Variants in FILIP1L observed in about 807,000 individuals in gnomAD.
The protein encoded by FILIP1L is filamin A-interacting protein 1-like.
Under a neutral mutation model 96.6 loss-of-function variants are expected in FILIP1L, and 55 were observed. That is an observed-to-expected ratio of 0.57 (90% CI 0.46 to 0.71). The LOEUF is 0.71. FILIP1L is among the 30% of genes least tolerant of loss of function. The pLI is 0.00. For synonymous variants in FILIP1L, 467 were observed against 473.9 expected (o/e 0.99, Z 0.19); for missense variants, 1,304 against 1,321.2 (o/e 0.99, Z 0.20).
chr3:100,062,905 A>G (rs1408050179), intron 1 of FILIP1L, among the ~76,000 whole-genome samples: 1 of 152,192 alleles, frequency 6.6e-6, no homozygotes, highest in Non-Finnish European at 1.5e-5. Flanking sequence ...TTCTAGTCTT[A>G]TAACCTTGAG....
intron 4 of FILIP1L, among the ~76,000 whole-genome samples, chr3:99,901,319 T>C (rs1270165225): frequency 6.6e-6 from 1 of 152,192 alleles, no homozygotes; most frequent in African/African-American, 2.4e-5. Flanking sequence ...GGAAAATTGA[T>C]ATTTATTTCT....
chr3:99,958,332 T>C (rs1708398120), intron 1 of FILIP1L, among the ~76,000 whole-genome samples: 1 of 151,690 alleles, frequency 6.6e-6, no homozygotes. Context: ...AGGGTCTATT[T>C]TTAACTGCCA....
At chr3:99,920,192 T>C (rs1299375124) in intron 4 of FILIP1L, among the ~76,000 whole-genome samples, 1 of 152,218 alleles carries the variant, frequency 6.6e-6, no homozygotes, top group Non-Finnish European at 1.5e-5. Context: ...CAGTAACATA[T>C]ATGGATAGCA....
intron 5 of FILIP1L, among the ~76,000 whole-genome samples, chr3:99,838,233 A>G (rs1286332003): frequency 6.6e-6 from 1 of 152,170 alleles, no homozygotes; most frequent in East Asian, 1.9e-4. Context: ...CACATCTCCT[A>G]TCCCAGGTCA....
intron 2 of FILIP1L, 135 bp from the exon 3 acceptor site, chr3:99,930,164 A>T: frequency 1.4e-6 from 1 of 731,658 alleles, no homozygotes; most frequent in Non-Finnish European, 2.2e-6. Context: ...TCACACTTTT[A>T]TAAAAGGTAA....
intron 1 of FILIP1L, among the ~76,000 whole-genome samples, chr3:100,111,703 CT>C (rs1372259409): frequency 1.3e-5 from 2 of 152,170 alleles, no homozygotes; most frequent in Admixed American, 6.5e-5. Flanking sequence ...AAATTTTCTT[CT>C]GTCTTAGACT....
chr3:100,050,311 A>G (rs2065348465), intron 1 of FILIP1L, among the ~76,000 whole-genome samples: 1 of 152,178 alleles, frequency 6.6e-6, no homozygotes, highest in African/African-American at 2.4e-5. Context: ...AGGAACTTAC[A>G]CAGAGAGGGA....
At chr3:99,924,504 G>A (rs1304280201) in intron 3 of FILIP1L, 96 bp from the exon 4 acceptor site, 3 of 1,301,346 alleles carry the variant, frequency 2.3e-6, no homozygotes, top group Non-Finnish European at 3.2e-6. Flanking sequence ...TAATTCGGCA[G>A]TGGGTTTTTT....
chr3:99,853,291 G>A (rs183708329), intron 4 of FILIP1L, among the ~76,000 whole-genome samples: 166 of 152,318 alleles, frequency 1.1e-3, no homozygotes, highest in African/African-American at 3.8e-3. Flanking sequence ...CATAATTACA[G>A]TGAAATATTT....
At chr3:100,035,750 A>T (rs1191849077) in intron 1 of FILIP1L, among the ~76,000 whole-genome samples, 3 of 152,230 alleles carry the variant, frequency 2.0e-5, no homozygotes, top group Non-Finnish European at 2.9e-5. Flanking sequence ...ATTCAAATGT[A>T]GAGAGAAATG....
chr3:100,065,986 C>T (rs1400305673), intron 1 of FILIP1L, among the ~76,000 whole-genome samples: 5 of 152,186 alleles, frequency 3.3e-5, no homozygotes, highest in Non-Finnish European at 7.4e-5. Flanking sequence ...TCTGGGAATG[C>T]GACCCAGCAA....
At chr3:100,015,726 G>T (rs1710320670) in intron 1 of FILIP1L, among the ~76,000 whole-genome samples, 1 of 152,150 alleles carries the variant, frequency 6.6e-6, no homozygotes, top group Admixed American at 6.5e-5. Context: ...CTTTCATCAA[G>T]CTGTAAGTTC....
At chr3:99,874,385 A>G (rs1364313683) in intron 4 of FILIP1L, 2 of 152,168 alleles carry the variant, frequency 1.3e-5, no homozygotes, top group African/African-American at 2.4e-5. Flanking sequence ...TCAGTTTCCA[A>G]TTACCGCTTA....
At chr3:100,112,766 T>G (rs1164706317) in intron 1 of FILIP1L, among the ~76,000 whole-genome samples, 2 of 152,218 alleles carry the variant, frequency 1.3e-5, no homozygotes. Context: ...AGCCCATGAA[T>G]ATTATTGCTG....
chr3:99,872,320 T>TGTGA (rs1944838492), intron 4 of FILIP1L, among the ~76,000 whole-genome samples: 1 of 143,274 alleles, frequency 7.0e-6, no homozygotes, highest in South Asian at 2.2e-4. Context: ...TGTGTGTGTG[T>TGTGA]GTGACTGTGG....
At chr3:99,960,325 C>T (rs780870378) in intron 1 of FILIP1L, among the ~76,000 whole-genome samples, 2 of 152,020 alleles carry the variant, frequency 1.3e-5, no homozygotes, top group African/African-American at 4.8e-5. Flanking sequence ...ATGAGGAAAA[C>T]GAGGGCTCCA....
At chr3:99,972,381 G>A (rs748150961) in intron 1 of FILIP1L, among the ~76,000 whole-genome samples, 12 of 152,226 alleles carry the variant, frequency 7.9e-5, no homozygotes, top group Non-Finnish European at 1.6e-4. Flanking sequence ...TAAGAAGTCT[G>A]ATGATATCAT....
At chr3:99,993,790 G>A (rs9878931) in intron 1 of FILIP1L, among the ~76,000 whole-genome samples, 28,769 of 152,060 alleles carry the variant, frequency 0.19, 3,010 homozygotes, top group South Asian at 0.25. Flanking sequence ...TGATTTACAT[G>A]TGTTGAACCA....
At chr3:100,014,519 G>A (rs1710261437) in intron 1 of FILIP1L, among the ~76,000 whole-genome samples, 1 of 152,044 alleles carries the variant, frequency 6.6e-6, no homozygotes, top group Non-Finnish European at 1.5e-5. Context: ...TTGTCTGTTT[G>A]ATAATAACCA....
Sources: allele counts gnomAD v4.1 joint callset (sites outside exome capture counted in the v4.1 genomes callset), GRCh38; gene constraint gnomAD v4.1.1; transcripts MANE v1.5; gene names NCBI Gene and HGNC (gene_info 2026-07-23, HGNC 2026-07-21).